SHISA9: variants seen among roughly 807,000 people sequenced by gnomAD.
SHISA9 encodes shisa family member 9.
In SHISA9, 13 loss-of-function variants were observed where a neutral mutation model predicts 38.0. The ratio of observed to expected loss-of-function variants is 0.34; its 90% CI spans 0.22 to 0.54. The LOEUF is 0.54. Among genes scored for constraint, SHISA9 ranks in the 20% least tolerant of loss-of-function variants. The pLI is 0.91. For synonymous variants in SHISA9, 275 were observed against 242.0 expected (o/e 1.14, Z -1.27); for missense variants, 538 against 575.8 (o/e 0.93, Z 0.67).
At chr16:12,970,517 TTTTTTTTTTTTG>T in intron 2 of SHISA9, among the ~76,000 whole-genome samples, 1 of 73,398 alleles carries the variant, frequency 1.4e-5, no homozygotes, top group Non-Finnish European at 2.6e-5. Flanking sequence ...TTTTTTTTTT[TTTTTTTTTTTTG>T]AGACCAAGTC....
chr16:13,293,492 G>A, the SHISA9 span, among the ~76,000 whole-genome samples: 4 of 152,126 alleles, frequency 2.6e-5, no homozygotes, highest in African/African-American at 9.7e-5. Context: ...GCCACCTTAG[G>A]CAAGTTGCTC....
intron 2 of SHISA9, among the ~76,000 whole-genome samples, chr16:13,126,784 GAA>G (rs1482134009): frequency 8.2e-5 from 12 of 146,440 alleles, no homozygotes; most frequent in Admixed American, 4.7e-4. Context: ...CTGAGGGAAA[GAA>G]AGAGACTGAG....
intron 2 of SHISA9, among the ~76,000 whole-genome samples, chr16:13,192,476 A>G (rs1201366264): frequency 6.6e-6 from 1 of 152,122 alleles, no homozygotes; most frequent in East Asian, 1.9e-4. Flanking sequence ...CTGGAACACC[A>G]TAGACACTAA....
chr16:13,539,139 A>G, the SHISA9 span, among the ~76,000 whole-genome samples: 1 of 150,734 alleles, frequency 6.6e-6, no homozygotes, highest in Non-Finnish European at 1.5e-5. Flanking sequence ...TTATTTTTCT[A>G]TTTTTTTGAG....
At chr16:13,288,588 G>A in the SHISA9 span, among the ~76,000 whole-genome samples, 2 of 152,132 alleles carry the variant, frequency 1.3e-5, no homozygotes, top group Admixed American at 1.3e-4. Context: ...GAGGTCAGGA[G>A]ATCTAGACCA....
At chr16:13,024,330 C>T (rs946718462) in intron 2 of SHISA9, among the ~76,000 whole-genome samples, 1 of 152,216 alleles carries the variant, frequency 6.6e-6, no homozygotes, top group Non-Finnish European at 1.5e-5. Flanking sequence ...TCCTGGGCTT[C>T]CAACAGCCTG....
the SHISA9 span, among the ~76,000 whole-genome samples, chr16:13,325,838 G>T: frequency 1.5e-4 from 23 of 151,404 alleles, no homozygotes; most frequent in Non-Finnish European, 1.6e-4. Flanking sequence ...CTCATAAGTG[G>T]GGGTAAACAG....
the SHISA9 span, among the ~76,000 whole-genome samples, chr16:13,475,444 A>C: frequency 1.3e-5 from 2 of 152,036 alleles, no homozygotes; most frequent in African/African-American, 4.8e-5. Flanking sequence ...TTCATTTATT[A>C]TGTATTTATT....
intron 2 of SHISA9, among the ~76,000 whole-genome samples, chr16:13,009,747 G>C (rs1186426589): frequency 6.6e-6 from 1 of 152,224 alleles, no homozygotes; most frequent in Non-Finnish European, 1.5e-5. Flanking sequence ...AGCAGCCAAG[G>C]GGAAGAGTGA....
At chr16:13,463,327 G>A in the SHISA9 span, among the ~76,000 whole-genome samples, 1 of 152,126 alleles carries the variant, frequency 6.6e-6, no homozygotes, top group African/African-American at 2.4e-5. Flanking sequence ...AGAGAGAGAG[G>A]ACCATGTGGG....
At chr16:13,097,659 C>T (rs1275127807) in intron 2 of SHISA9, among the ~76,000 whole-genome samples, 2 of 152,168 alleles carry the variant, frequency 1.3e-5, no homozygotes, top group African/African-American at 4.8e-5. Context: ...CTGCCTTGGC[C>T]TCCCAAAGTG....
chr16:13,090,629 C>T (rs924678250), intron 2 of SHISA9, among the ~76,000 whole-genome samples: 2 of 151,084 alleles, frequency 1.3e-5, no homozygotes, highest in African/African-American at 4.8e-5. Flanking sequence ...GCAACTCCTG[C>T]TGTTTTTTTG....
chr16:12,911,808 TTTG>T (rs1216163558), intron 1 of SHISA9, among the ~76,000 whole-genome samples: 25 of 149,200 alleles, frequency 1.7e-4, no homozygotes, highest in African/African-American at 6.1e-4. Context: ...AGGCTGTAGT[TTTG>T]TTAAGAAGGG....
chr16:13,293,868 G>A, the SHISA9 span, among the ~76,000 whole-genome samples: 1 of 152,240 alleles, frequency 6.6e-6, no homozygotes, highest in East Asian at 1.9e-4. Flanking sequence ...CAAAAATTAT[G>A]AGAGAATAAG....
At chr16:12,973,124 G>A (rs1355157617) in intron 2 of SHISA9, among the ~76,000 whole-genome samples, 2 of 151,986 alleles carry the variant, frequency 1.3e-5, no homozygotes, top group African/African-American at 4.8e-5. Context: ...TCACCCCTCC[G>A]CTCCCCCCAC....
chr16:13,343,323 G>A, the SHISA9 span, among the ~76,000 whole-genome samples: 37 of 152,192 alleles, frequency 2.4e-4, no homozygotes, highest in African/African-American at 8.4e-4. Context: ...CTTAACATGT[G>A]ATCTCAATCT....
chr16:13,414,373 A>G, the SHISA9 span, among the ~76,000 whole-genome samples: 16 of 152,212 alleles, frequency 1.1e-4, no homozygotes, highest in African/African-American at 3.1e-4. Context: ...GCTCAGCTCC[A>G]GCAGATGAGT....
the SHISA9 span, among the ~76,000 whole-genome samples, chr16:13,488,977 G>A: frequency 2.0e-5 from 3 of 152,196 alleles, no homozygotes; most frequent in South Asian, 2.1e-4. Context: ...GTTTCACCAC[G>A]TGAGCCAGGA....
At chr16:12,997,605 C>CA (rs1393734950) in intron 2 of SHISA9, among the ~76,000 whole-genome samples, 2 of 151,908 alleles carry the variant, frequency 1.3e-5, no homozygotes, top group African/African-American at 4.8e-5. Context: ...AGGGTTTCAC[C>CA]ATGTTGACCA....
Sources: gnomAD v4.1 joint callset for allele counts (sites outside exome capture counted in the v4.1 genomes callset) on GRCh38, gnomAD v4.1.1 for gene constraint, MANE v1.5 for transcripts, NCBI Gene and HGNC (gene_info 2026-07-23, HGNC 2026-07-21) for gene names.